DOK7: variants seen among roughly 807,000 people sequenced by gnomAD.
DOK7 encodes protein Dok-7.
A neutral mutation model predicts 30.7 loss-of-function variants in DOK7; 32 were observed. The ratio of observed to expected loss-of-function variants is 1.04; its 90% CI spans 0.79 to 1.40. DOK7 has a LOEUF of 1.40. Among genes scored for constraint, DOK7 ranks in the 40% most tolerant of loss-of-function variants. The probability of loss-of-function intolerance (pLI) is 0.00; values close to 1 mark genes in which losing one functional copy is unlikely to be tolerated. For missense variants in DOK7, 1,007 were observed against 699.2 expected, an observed-to-expected ratio of 1.44 and a Z score of -4.97; for synonymous variants, 447 against 324.1, an observed-to-expected ratio of 1.38 and a Z score of -4.07.
intron 2 of DOK7, among the ~76,000 whole-genome samples, chr4:3,464,845 C>T (rs937645591): frequency 5.9e-5 from 9 of 152,300 alleles, no homozygotes; most frequent in South Asian, 4.1e-4. Flanking sequence ...CTCCCCCGGC[C>T]GGTGAGTGCC....
chr4:3,499,331 G>C (rs1729079702), downstream of DOK7, among the ~76,000 whole-genome samples: 1 of 152,186 alleles, frequency 6.6e-6, no homozygotes, highest in Non-Finnish European at 1.5e-5. Context: ...CCAGCCACTG[G>C]CTCAGGGAAT....
At chr4:3,480,723 CGG>C (rs1348396246) in intron 4 of DOK7, among the ~76,000 whole-genome samples, 1 of 152,236 alleles carries the variant, frequency 6.6e-6, no homozygotes, top group Non-Finnish European at 1.5e-5. Context: ...CTGCAGCCTG[CGG>C]GGGCAGCCTG....
chr4:3,489,878 G>A (rs986094459), intron 6 of DOK7, 82 bp downstream of exon 6: 2 of 1,518,964 alleles, frequency 1.3e-6, no homozygotes, highest in African/African-American at 2.8e-5. Flanking sequence ...ATGCATGTGT[G>A]GGGGCTGCAG....
downstream of DOK7, among the ~76,000 whole-genome samples, chr4:3,496,317 T>C (rs1728909135): frequency 6.6e-6 from 1 of 152,170 alleles, no homozygotes; most frequent in South Asian, 2.1e-4. Context: ...AGTGGGGCAT[T>C]TTCCAGGGGC....
chr4:3,471,518 C>T (rs1391228480), intron 2 of DOK7, among the ~76,000 whole-genome samples: 1 of 152,240 alleles, frequency 6.6e-6, no homozygotes, highest in African/African-American at 2.4e-5. Context: ...TCTCACAACA[C>T]ACTTCAACTG....
At chr4:3,471,808 G>A (rs1177922173) in intron 2 of DOK7, among the ~76,000 whole-genome samples, 2 of 152,272 alleles carry the variant, frequency 1.3e-5, no homozygotes, top group East Asian at 3.8e-4. Context: ...TTCTGTAGGT[G>A]CGGGAATGAG....
chr4:3,476,462 A>G lies in DOK7; in HGVS notation c.452A>G (p.Gln151Arg). 1.2e-6 allele frequency: 2 copies of G among 1,613,706 alleles called. No individual in the cohort carries two copies. The highest frequency in any genetic ancestry group is 1.7e-6 in the Non-Finnish European group (2 of 1,180,010). Residue 151 changes from glutamine (Q) to arginine (R), a missense_variant, in exon 4 of 7, where the codon CAG (glutamine) becomes CGG (arginine). Physicochemically the swap from Gln to Arg is conservative, Grantham distance 43. Coordinates refer to ENST00000340083, the MANE Select transcript of DOK7 (RefSeq NM_173660.5). Reference sequence around the variant, plus strand: ...GACATCCCCCCGGCTGTCACGGGGCAGTGGAAGCTGTCTGACCTCCGGCGC... The same window carrying G: ...GACATCCCCCCGGCTGTCACGGGGCGGTGGAAGCTGTCTGACCTCCGGCGC... ...ARDIPPAVTG[Q>R]WKLSDLRRYG...
chr4:3,498,515 C>G (rs56103519), downstream of DOK7, among the ~76,000 whole-genome samples: 1,358 of 152,346 alleles, frequency 8.9e-3, 22 homozygotes, highest in African/African-American at 0.031. Context: ...GTGTCCAGCC[C>G]CACCGTGGGC....
At chr4:3,496,328 AC>A (rs34596974), downstream of DOK7, among the ~76,000 whole-genome samples, 4 of 151,808 alleles carry the variant, frequency 2.6e-5, no homozygotes, top group Non-Finnish European at 5.9e-5. Flanking sequence ...TTCCAGGGGC[AC>A]CCCCCTGCGG....
chr4:3,491,323 CTCAT>C (rs988195695), intron 6 of DOK7, among the ~76,000 whole-genome samples: 9 of 142,472 alleles, frequency 6.3e-5, no homozygotes, highest in South Asian at 2.5e-4. Flanking sequence ...TCTCCCCCTG[CTCAT>C]TCATTCCTTC....
rs1414978370 is a variant in DOK7 at position 3,493,146 on chromosome 4, C to G, written c.1160C>G (p.Thr387Ser). ...GGGGCCCCCGAGCCCAGCCTGTGCA[C>G]CTGCCTGCCCGGGACAGTCGAGTAC... is the stretch of plus-strand genomic sequence containing the variant. ...AAGAPEPSLC[T>S]CLPGTVEYQV... Residue 387 changes from threonine to serine, a missense_variant, in exon 7 of 7, where the codon ACC (threonine) becomes AGC (serine). Physicochemically the swap from Thr to Ser is moderately conservative, Grantham distance 58. Coordinates refer to ENST00000340083, the MANE Select transcript of DOK7 (RefSeq NM_173660.5). 1.9e-6 allele frequency: 3 copies of G among 1,602,904 alleles called. No individual in the cohort carries two copies. The highest frequency in any genetic ancestry group is 2.5e-6 in the Non-Finnish European group (3 of 1,176,488).
At chr4:3,463,632 C>T in intron 2 of DOK7, 81 bp downstream of exon 2, 1 of 1,481,072 alleles carries the variant, frequency 6.8e-7, no homozygotes, top group Non-Finnish European at 9.1e-7. Context: ...TGCCAGCTTG[C>T]CCAAAATCGC....
intron 5 of DOK7, among the ~76,000 whole-genome samples, chr4:3,487,448 T>G (rs1727882257): frequency 6.6e-6 from 1 of 152,220 alleles, no homozygotes; most frequent in Admixed American, 6.5e-5. Context: ...CTGAGCCCGC[T>G]GTGACCCACT....
chr4:3,497,042 GCAGTGGGTGTTGGGTGACAGTTGA>G (rs1383089661), downstream of DOK7, among the ~76,000 whole-genome samples: 12 of 152,000 alleles, frequency 7.9e-5, no homozygotes, highest in East Asian at 1.9e-4. Context: ...ATGTTGGGTG[GCAGTGGGTGTTGGGTGACAGTTGA>G]CAGTGGTTGC....
In DOK7 at chr4:3,489,855, T is replaced by C. The variant is rs1728085384; in HGVS notation, c.772+59T>C. 1.3e-5 allele frequency: 20 copies of C among 1,543,922 alleles called. No homozygotes were observed. In the Middle Eastern group the frequency reaches 5.0e-4, roughly 39 times the overall value. ...TCGGCTAAGCCTCCAGCAGGAGAGC[T>C]CAGGAGGCATCCATGCATGTGTGGG... On this transcript the variant is annotated intron_variant, in intron 6 of 6. Transcript: ENST00000340083.
At chr4:3,475,258 C>T (rs1164308108) in intron 3 of DOK7, among the ~76,000 whole-genome samples, 2 of 152,270 alleles carry the variant, frequency 1.3e-5, no homozygotes, top group South Asian at 2.1e-4. Context: ...TTCCTTCATC[C>T]GCTGGCGCAG....
At chr4:3,495,526 G>C (rs115112476), downstream of DOK7, among the ~76,000 whole-genome samples, 1 of 152,226 alleles carries the variant, frequency 6.6e-6, no homozygotes, top group Non-Finnish European at 1.5e-5. Flanking sequence ...CTCTCCTCAC[G>C]ATGCTCGTGA....
chr4:3,467,060 C>CCAGGGT (rs1156337501), intron 2 of DOK7, among the ~76,000 whole-genome samples: 1 of 152,192 alleles, frequency 6.6e-6, no homozygotes, highest in Non-Finnish European at 1.5e-5. Context: ...CTGCTGCACC[C>CCAGGGT]CAGCAGGGTC....
At chr4:3,469,174 T>TGC (rs957743806) in intron 2 of DOK7, among the ~76,000 whole-genome samples, 1 of 151,544 alleles carries the variant, frequency 6.6e-6, no homozygotes, top group African/African-American at 2.4e-5. Context: ...TGTGTGTGTG[T>TGC]GCGTCTGTGT....
Sources: gnomAD v4.1 joint callset for allele counts (sites outside exome capture counted in the v4.1 genomes callset) on GRCh38, gnomAD v4.1.1 for gene constraint, MANE v1.5 for transcripts, NCBI Gene and HGNC (gene_info 2026-07-23, HGNC 2026-07-21) for gene names.